Variants in ZNF500 observed in about 807,000 individuals in gnomAD.
ZNF500 encodes the protein zinc finger protein with KRAB and SCAN domains 18.
Under a neutral mutation model 30.1 loss-of-function variants are expected in ZNF500, and 31 were observed. The ratio of observed to expected loss-of-function variants is 1.03; its 90% CI spans 0.77 to 1.39. The LOEUF is 1.39. ZNF500 is among the 40% of genes most tolerant of loss of function. ZNF500 has a pLI of 0.00. For missense variants in ZNF500, 817 were observed against 657.8 expected, an observed-to-expected ratio of 1.24 and a Z score of -2.65; for synonymous variants, 392 against 282.0, an observed-to-expected ratio of 1.39 and a Z score of -3.91.
chr16:4,765,588 T>G lies in ZNF500; in HGVS notation c.391A>C (p.Lys131Gln). The change falls in exon 2 of 6, where the codon AAG (lysine) becomes CAG (glutamine). Residue 131 changes from lysine to glutamine, a missense_variant. Lys to Gln is a moderately conservative substitution (Grantham distance 53, BLOSUM62 1). Coordinates refer to ENST00000219478, the MANE Select transcript of ZNF500 (RefSeq NM_021646.4). ...ACCCGCTGCCTGTGTTTCCTGGGCT[T>G]CCGCTGCAGCCCTTCCACAAGGACC... ...AVVLVEGLQR[K>Q]PRKHRQRGSE... 2 of 1,604,026 alleles carry G rather than the reference T, an allele frequency of 1.2e-6. No homozygotes were observed. The highest frequency in any genetic ancestry group is 1.7e-4 in the Middle Eastern group (1 of 6,010).
intron 5 of ZNF500, among the ~76,000 whole-genome samples, chr16:4,759,030 CA>C: frequency 6.6e-6 from 1 of 151,996 alleles, no homozygotes; most frequent in East Asian, 1.9e-4. Flanking sequence ...GCCAACATGG[CA>C]AAACCCAGCT....
Position 4,752,112 on chromosome 16 carries a change from T to A in ZNF500, c.*264A>T, listed in dbSNP as rs2142224087. 7.5e-7 allele frequency: 1 copy of A among 1,337,660 alleles called. No individual in the cohort carries two copies. The highest frequency in any genetic ancestry group is 1.5e-5 in the African/African-American group (1 of 67,272). 82.9% of individuals were successfully genotyped at this position (1,337,660 alleles called of 1,614,324 possible). On this transcript the variant is annotated 3_prime_UTR_variant, in exon 6 of 6. Coordinates refer to ENST00000219478, the MANE Select transcript of ZNF500 (RefSeq NM_021646.4). ...GAGTGTCGGCTTCTGGCCTCCTGAG[T>A]GTGTCTCTGTGGCTGAAGCCCCTGC...
chr16:4,747,562 G>T, downstream of ZNF500: 1 of 1,611,960 alleles, frequency 6.2e-7, no homozygotes. Context: ...CCAGAGCCCT[G>T]GGGGATGTTC....
downstream of ZNF500, chr16:4,746,868 C>T: frequency 7.0e-7 from 1 of 1,438,008 alleles, no homozygotes; most frequent in African/African-American, 1.4e-5. Flanking sequence ...CAAGCCCCAA[C>T]AAGAGTTGGA....
intron 2 of ZNF500, among the ~76,000 whole-genome samples, chr16:4,764,986 G>A (rs2082248134): frequency 6.6e-6 from 1 of 151,772 alleles, no homozygotes; most frequent in Non-Finnish European, 1.5e-5. Context: ...CTTGGAAGGT[G>A]CCGGACCTCT....
rs989725649 is a variant in ZNF500 at position 4,749,039 on chromosome 16, A to T, written c.*3337T>A. 1 of 152,340 alleles carries T rather than the reference A, an allele frequency of 6.6e-6. No individual in the cohort carries two copies. Among genetic ancestry groups the T allele is most frequent in the Admixed American group, 6.5e-5 (1 of 15,284 alleles). 9.4% of individuals were successfully genotyped at this position (152,340 alleles called of 1,614,324 possible). On this transcript the variant is annotated 3_prime_UTR_variant, in exon 6 of 6. Coordinates refer to ENST00000219478, the MANE Select transcript of ZNF500 (RefSeq NM_021646.4). Reference sequence around the variant, plus strand: ...GGGACCCCCACCCGACCCCACTCCCAATGATGAGGGGCATTTTCATTGCAA... The same window carrying T: ...GGGACCCCCACCCGACCCCACTCCCTATGATGAGGGGCATTTTCATTGCAA...
rs754134767 is a variant in ZNF500 at position 4,766,122 on chromosome 16, G to C, written c.-98-46C>G. 33 of 1,022,140 alleles carry C rather than the reference G, an allele frequency of 3.2e-5. No homozygotes were observed. In the South Asian group the frequency reaches 4.3e-4, roughly 13 times the overall value. The allele number at this position is 1,022,140 out of a possible 1,614,324, so 63.3% of individuals were successfully genotyped here. On this transcript the variant is annotated intron_variant, in intron 1 of 5. Transcript: ENST00000219478. ...CATCTGAAGGGCAGCCCTGGGGCTG[G>C]ATAAGCCCTTTGGCCTGGGAAGCCC...
rs2082049929 is a variant in ZNF500, at chr16:4,748,759, G to A, written c.*3617C>T. On this transcript the variant is annotated 3_prime_UTR_variant, in exon 6 of 6. Coordinates refer to ENST00000219478, the MANE Select transcript of ZNF500 (RefSeq NM_021646.4). ...TGCTGTCTGCCCCGTGGGAAGAGCA[G>A]AGAAATCATCACCACCTTGGGCCCC... 6.6e-6 allele frequency: 1 copy of A among 152,446 alleles called. No individual in the cohort carries two copies. Among genetic ancestry groups the A allele is most frequent in the Admixed American group, 6.5e-5 (1 of 15,290 alleles). The allele number at this position is 152,446 out of a possible 1,614,324, so 9.4% of individuals were successfully genotyped here.
chr16:4,762,536 GCAC>G, intron 3 of ZNF500, 34 bp downstream of exon 3: 3 of 1,581,752 alleles, frequency 1.9e-6, no homozygotes, highest in African/African-American at 1.3e-5. Flanking sequence ...TCCCTCCCCT[GCAC>G]CACTTCTCAT....
At chr16:4,754,785 C>T (rs569790171) in intron 5 of ZNF500, among the ~76,000 whole-genome samples, 1 of 152,052 alleles carries the variant, frequency 6.6e-6, no homozygotes, top group Non-Finnish European at 1.5e-5. Flanking sequence ...GATATGGTTT[C>T]GATCTATGTC....
downstream of ZNF500, chr16:4,746,457 A>G (rs1185326541): frequency 1.9e-6 from 3 of 1,613,582 alleles, no homozygotes; most frequent in Non-Finnish European, 2.5e-6. Context: ...AGAGTCCCCC[A>G]CCATCTTTAT....
intron 2 of ZNF500, among the ~76,000 whole-genome samples, chr16:4,764,597 C>A (rs551538957): frequency 6.6e-6 from 1 of 151,894 alleles, no homozygotes; most frequent in Non-Finnish European, 1.5e-5. Context: ...CTGGCTAACA[C>A]GGTGAAACCC....
downstream of ZNF500, chr16:4,746,226 A>G: frequency 1.2e-6 from 1 of 850,352 alleles, no homozygotes; most frequent in Non-Finnish European, 1.8e-6. Context: ...TCTGAAGAGT[A>G]AAAGAGCAAA....
chr16:4,747,227 G>A, downstream of ZNF500: 4 of 1,351,370 alleles, frequency 3.0e-6, no homozygotes, highest in Admixed American at 9.1e-5. Flanking sequence ...TGCCTGAATT[G>A]CATTCTTGCT....
chr16:4,760,428 G>C, intron 5 of ZNF500, 64 bp downstream of exon 5: 1 of 1,486,102 alleles, frequency 6.7e-7, no homozygotes, highest in Non-Finnish European at 9.3e-7. Flanking sequence ...AAGCCCCGGA[G>C]CTGGTGCCTG....
chr16:4,759,146 G>T lies in ZNF500; in HGVS notation c.760+1346C>A, dbSNP rs992258598. On this transcript the variant is annotated intron_variant, in intron 5 of 5. Transcript: ENST00000219478. Reference sequence around the variant, plus strand: ...AATCGCTTGAACCTGGAAGGCGGAGGTTGCAGTGAGCTGAGCTGAGATCGT... The same window carrying T: ...AATCGCTTGAACCTGGAAGGCGGAGTTTGCAGTGAGCTGAGCTGAGATCGT... Among the ~76,000 whole-genome samples the T allele has an allele frequency of 4.0e-5, 6 of 151,180 alleles. 1 individual carries two copies. In the South Asian group the frequency reaches 1.2e-3, roughly 31 times the overall value.
intron 2 of ZNF500, 49 bp downstream of exon 2, chr16:4,765,516 G>A: frequency 2.6e-6 from 4 of 1,537,768 alleles, no homozygotes; most frequent in Non-Finnish European, 3.5e-6. Flanking sequence ...GCAGACCCCA[G>A]CAGCAGGGCC....
At chr16:4,766,945 C>G (rs1179490932) in intron 1 of ZNF500, 72 bp downstream of exon 1, 6 of 152,302 alleles carry the variant, frequency 3.9e-5, no homozygotes, top group African/African-American at 1.4e-4. Flanking sequence ...GCGGCACAGA[C>G]CCGGGTGCTG....
chr16:4,761,005 G>C (rs1441336382), intron 4 of ZNF500, among the ~76,000 whole-genome samples: 1 of 152,124 alleles, frequency 6.6e-6, no homozygotes, highest in Non-Finnish European at 1.5e-5. Flanking sequence ...CCGGAAGCAT[G>C]ATTAAAAAAA....
Sources: allele counts gnomAD v4.1 joint callset (sites outside exome capture counted in the v4.1 genomes callset), GRCh38; gene constraint gnomAD v4.1.1; transcripts MANE v1.5; gene names NCBI Gene and HGNC (gene_info 2026-07-23, HGNC 2026-07-21).